The following ROCK1 variants were observed in gnomAD, a reference collection of about 807,000 sequenced individuals.
ROCK1 encodes the protein rho-associated protein kinase 1.
In ROCK1, 36 loss-of-function variants were observed where a neutral mutation model predicts 196.8. That is an observed-to-expected ratio of 0.18 (90% confidence interval 0.14 to 0.24). The LOEUF (loss-of-function observed/expected upper bound fraction) is 0.24, where lower values mean the gene tolerates loss of function less well. Among genes scored for constraint, ROCK1 ranks in the 10% least tolerant of loss-of-function variants. The probability of loss-of-function intolerance (pLI) is 1.00; values close to 1 mark genes in which losing one functional copy is unlikely to be tolerated. For synonymous variants in ROCK1, 443 were observed against 515.9 expected (o/e 0.86, Z 1.91); for missense variants, 920 against 1,562.0 (o/e 0.59, Z 6.93).
At chr18:20,961,818 CTTTTTTTTT>C (rs11334095) in intron 27 of ROCK1, among the ~76,000 whole-genome samples, 1 of 117,210 alleles carries the variant, frequency 8.5e-6, no homozygotes, top group Non-Finnish European at 1.7e-5. Context: ...TTTCTTTTTC[CTTTTTTTTT>C]TTTTTTTTTT....
At chr18:21,085,335 C>A (rs554059189) in intron 1 of ROCK1, among the ~76,000 whole-genome samples, 1 of 1,172 alleles carries the variant, frequency 8.5e-4, no homozygotes. Flanking sequence ...GCTTGGACAA[C>A]CCCATTTCAA....
At position 21,033,854 on chromosome 18, in the gene ROCK1, T is replaced by TAAAAAAAAAAAAA. The variant is rs71269004; in HGVS notation, c.1052-4932_1052-4920dup. 5.4e-4 allele frequency among the ~76,000 whole-genome samples: 18 copies of TAAAAAAAAAAAAA among 33,464 alleles called. 1 individual carries two copies. Among genetic ancestry groups the TAAAAAAAAAAAAA allele is most frequent in the African/African-American group, 1.6e-3 (15 of 9,330 alleles). The allele number at this position is 33,464 out of a possible 152,430, so 22.0% of individuals were successfully genotyped here. On this transcript the variant is annotated intron_variant, in intron 9 of 32. Transcript: ENST00000399799. The stretch of plus-strand genomic sequence containing the variant: ...TAACTCAGTGAAACCCCGTTTCTAC[T>TAAAAAAAAAAAAA]AAAAAAAAAAAAAAAAAAAAAAAAA...
chr18:20,979,482 C>G (rs372036055), intron 22 of ROCK1, among the ~76,000 whole-genome samples: 1 of 151,878 alleles, frequency 6.6e-6, no homozygotes, highest in Admixed American at 6.6e-5. Flanking sequence ...ATTAGCGGAG[C>G]GTGGTGGCGC....
intron 21 of ROCK1, among the ~76,000 whole-genome samples, chr18:20,982,268 T>G (rs1213115631): frequency 6.6e-6 from 1 of 152,160 alleles, no homozygotes; most frequent in East Asian, 1.9e-4. Flanking sequence ...GTCTTTCATT[T>G]TGTTTATGAG....
chr18:21,069,112 T>G (rs985367318), intron 2 of ROCK1, among the ~76,000 whole-genome samples: 1 of 152,144 alleles, frequency 6.6e-6, no homozygotes, highest in Non-Finnish European at 1.5e-5. Context: ...ATTCCCTTTA[T>G]TGGGGAAAGG....
intron 10 of ROCK1, among the ~76,000 whole-genome samples, chr18:21,027,937 AT>A (rs1335478936): frequency 3.1e-4 from 44 of 143,412 alleles, no homozygotes; most frequent in Non-Finnish European, 6.1e-5. Context: ...AATTTTTTGT[AT>A]TTTTAGTAGA....
chr18:21,073,089 A>C (rs1293606792), intron 1 of ROCK1, among the ~76,000 whole-genome samples: 1 of 146,270 alleles, frequency 6.8e-6, no homozygotes, highest in Admixed American at 6.9e-5. Context: ...AAAAAAAAAA[A>C]AAAAAAAAAA....
In ROCK1 at chr18:21,027,740, G is replaced by C. The variant is rs201704812; in HGVS notation, c.1211+1036C>G. ...ATAACACATGGTAAAATTTGGGGAGGAATCACTTAATTTTTTTTTTTTTTT... is the reference window on the plus strand; with the variant it reads ...ATAACACATGGTAAAATTTGGGGAGCAATCACTTAATTTTTTTTTTTTTTT... On this transcript the variant is annotated intron_variant, in intron 10 of 32. Coordinates refer to ENST00000399799, the MANE Select transcript of ROCK1 (RefSeq NM_005406.3). 1.5e-3 allele frequency among the ~76,000 whole-genome samples: 212 copies of C among 141,852 alleles called. 4 individuals are homozygous for C. In the East Asian group the frequency reaches 0.038, roughly 25 times the overall value. The allele number at this position is 141,852 out of a possible 152,430, so 93.1% of individuals were successfully genotyped here. A position where few individuals can be genotyped will look rare whatever the true frequency, so the allele number is the denominator to read the frequency against.
At position 21,042,718 on chromosome 18, in the gene ROCK1, C is replaced by A; in HGVS notation, c.676-9G>T. 6.3e-7 allele frequency: 1 copy of A among 1,577,564 alleles called. No individual in the cohort carries two copies. ...CATCGTACCATGCCTTCCTAAAAAG[C>A]GCGGCAGGTCAAATTTTGAATTAGG... On this transcript the variant is annotated splice_polypyrimidine_tract_variant and intron_variant, in intron 6 of 32. Coordinates refer to ENST00000399799, the MANE Select transcript of ROCK1 (RefSeq NM_005406.3).
At chr18:21,027,030 C>A (rs568080304) in intron 10 of ROCK1, among the ~76,000 whole-genome samples, 2 of 151,940 alleles carry the variant, frequency 1.3e-5, no homozygotes, top group African/African-American at 4.8e-5. Context: ...CCTCCGCCCC[C>A]CAGGTTGAAG....
At chr18:21,096,333 T>C (rs1232540968) in intron 1 of ROCK1, among the ~76,000 whole-genome samples, 1 of 152,208 alleles carries the variant, frequency 6.6e-6, no homozygotes, top group East Asian at 1.9e-4. Context: ...CCCGAGTGGC[T>C]GGGATTACAG....
chr18:21,105,093 C>G (rs2036692354), intron 1 of ROCK1, among the ~76,000 whole-genome samples: 1 of 152,120 alleles, frequency 6.6e-6, no homozygotes, highest in Non-Finnish European at 1.5e-5. Flanking sequence ...TTACTAAATA[C>G]CAAATGCTAT....
intron 10 of ROCK1, among the ~76,000 whole-genome samples, chr18:21,027,853 C>A (rs1031633072): frequency 3.5e-5 from 5 of 144,038 alleles, no homozygotes; most frequent in African/African-American, 1.3e-4. Context: ...GCTCCGCCTC[C>A]CGGGTTCACG....
intron 13 of ROCK1, among the ~76,000 whole-genome samples, chr18:21,010,736 G>C (rs1368434725): frequency 6.6e-6 from 1 of 152,232 alleles, no homozygotes; most frequent in African/African-American, 2.4e-5. Flanking sequence ...ACAGCTGACA[G>C]TGTAGTTGAG....
chr18:21,111,240 A>G lies in ROCK1; in HGVS notation c.-330T>C. 1 of 490,864 alleles carries G rather than the reference A, an allele frequency of 2.0e-6. No individual in the cohort carries two copies. Among genetic ancestry groups the G allele is most frequent in the Non-Finnish European group, 3.6e-6 (1 of 280,340 alleles). 30.4% of individuals were successfully genotyped at this position (490,864 alleles called of 1,614,324 possible). On this transcript the variant is annotated 5_prime_UTR_variant, in exon 1 of 33. An upstream start codon of the reference 5' UTR is lost. Coordinates refer to ENST00000399799, the MANE Select transcript of ROCK1 (RefSeq NM_005406.3). This position sits in a 1 kb window ranked among gnomAD's most constrained non-coding sequence, Gnocchi z 4.2. ...CTAGCGGGCCCCGGCCGCCGTCGCCATGGAGGGGTCCCCGTCCCGAGATGG... is the reference window on the plus strand; with the variant it reads ...CTAGCGGGCCCCGGCCGCCGTCGCCGTGGAGGGGTCCCCGTCCCGAGATGG...
At chr18:20,962,951 A>T (rs2035340948) in intron 27 of ROCK1, among the ~76,000 whole-genome samples, 1 of 152,092 alleles carries the variant, frequency 6.6e-6, no homozygotes, top group South Asian at 2.1e-4. Context: ...ACCAGTTTTT[A>T]AAATATATAA....
In ROCK1 at chr18:21,096,910, T is replaced by C. The variant is rs564003082; in HGVS notation, c.93+13908A>G. On this transcript the variant is annotated intron_variant, in intron 1 of 32. Transcript: ENST00000399799. The stretch of plus-strand genomic sequence containing the variant: ...CCCTATACAAGACAACTATGATCAA[T>C]TTCTAAATTTCATGAGACTACAGGA... Among the ~76,000 whole-genome samples, 3 of 152,316 alleles carry C rather than the reference T, an allele frequency of 2.0e-5. No homozygotes were observed. The South Asian group carries it at 6.2e-4, about 32-fold the overall frequency.
rs771375667 is a variant in ROCK1, at chr18:21,049,088, A to T, written c.414+4T>A. ...GCAATAATGAAAGAGTAGCAAAGTC[A>T]TACCTGAACAACCCAAGGACTGTTG... On this transcript the variant is annotated splice_donor_region_variant and intron_variant, in intron 4 of 32. Coordinates refer to ENST00000399799, the MANE Select transcript of ROCK1 (RefSeq NM_005406.3). 6.3e-7 allele frequency: 1 copy of T among 1,587,946 alleles called. No homozygotes were observed. Among genetic ancestry groups the T allele is most frequent in the Non-Finnish European group, 8.6e-7 (1 of 1,166,906 alleles).
At chr18:20,961,598 G>C (rs1313964202) in intron 27 of ROCK1, among the ~76,000 whole-genome samples, 18 of 152,116 alleles carry the variant, frequency 1.2e-4, no homozygotes, top group Admixed American at 1.2e-3. Flanking sequence ...TAATTTCTGA[G>C]CTTATGTTTC....
Sources: gnomAD v4.1 joint callset for allele counts (sites outside exome capture counted in the v4.1 genomes callset) on GRCh38, gnomAD v4.1.1 for gene constraint, Gnocchi (gnomAD v3.1) non-coding constraint, MANE v1.5 for transcripts, NCBI Gene and HGNC (gene_info 2026-07-23, HGNC 2026-07-21) for gene names.